Variants in PDE1C observed in about 807,000 individuals in gnomAD.
PDE1C encodes dual specificity calcium/calmodulin-dependent 3',5'-cyclic nucleotide phosphodiesterase 1C.
Under a neutral mutation model 93.1 loss-of-function variants are expected in PDE1C, and 62 were observed. The observed-to-expected ratio is 0.67, with a 90% confidence interval of 0.54 to 0.82. PDE1C has a LOEUF of 0.82. PDE1C is among the 40% of genes least tolerant of loss of function. PDE1C has a pLI of 0.00. For synonymous variants in PDE1C, 325 were observed against 310.1 expected (o/e 1.05, Z -0.50); for missense variants, 742 against 884.6 (o/e 0.84, Z 2.04).
chr7:32,147,450 A>G (rs181256793), intron 3 of PDE1C, among the ~76,000 whole-genome samples: 6 of 152,304 alleles, frequency 3.9e-5, no homozygotes, highest in South Asian at 4.1e-4. Context: ...TGAATTTTTA[A>G]TCACATACAC....
chr7:32,133,955 T>A (rs571100290), intron 3 of PDE1C, among the ~76,000 whole-genome samples: 202 of 151,728 alleles, frequency 1.3e-3, no homozygotes, highest in African/African-American at 4.5e-3. Context: ...ATCTTATAAA[T>A]ATAAAAAGAA....
intron 3 of PDE1C, among the ~76,000 whole-genome samples, chr7:32,086,325 C>T (rs1291634080): frequency 1.3e-5 from 2 of 152,068 alleles, no homozygotes; most frequent in Non-Finnish European, 2.9e-5. Context: ...TCAAGGAGAA[C>T]TACAAACCAC....
At chr7:31,840,583 T>C (rs561944221) in intron 9 of PDE1C, among the ~76,000 whole-genome samples, 2 of 152,336 alleles carry the variant, frequency 1.3e-5, no homozygotes, top group South Asian at 4.1e-4. Context: ...ATTTTAGCTT[T>C]TACGTTTAGG....
chr7:32,301,248 G>A (rs539626764), upstream of PDE1C, among the ~76,000 whole-genome samples: 59 of 151,640 alleles, frequency 3.9e-4, no homozygotes, highest in African/African-American at 1.4e-3. Context: ...TGTCTTTTTT[G>A]TGCCAAAATA....
the PDE1C span, chr7:31,653,634 T>C: frequency 6.6e-6 from 1 of 152,196 alleles, no homozygotes; most frequent in East Asian, 1.9e-4. Flanking sequence ...AAAAAAATCT[T>C]TGTAGCTATC....
the PDE1C span, chr7:31,697,170 A>T: frequency 6.3e-7 from 1 of 1,590,396 alleles, no homozygotes; most frequent in African/African-American, 1.4e-5. Context: ...CAGGTCAAGA[A>T]CCTTACCATC....
chr7:32,303,322 A>G (rs1343183405), upstream of PDE1C, among the ~76,000 whole-genome samples: 1 of 152,232 alleles, frequency 6.6e-6, no homozygotes, highest in African/African-American at 2.4e-5. Context: ...GAAGAAATGA[A>G]GAGAGAAAAG....
chr7:31,940,425 TAGAG>T (rs1198516741), intron 2 of PDE1C, among the ~76,000 whole-genome samples: 1 of 152,160 alleles, frequency 6.6e-6, no homozygotes, highest in Non-Finnish European at 1.5e-5. Flanking sequence ...CTCTGCAAGG[TAGAG>T]TTCATGATTC....
At chr7:32,272,848 G>A (rs1334593190) in intron 1 of PDE1C, among the ~76,000 whole-genome samples, 18 of 152,334 alleles carry the variant, frequency 1.2e-4, no homozygotes, top group Middle Eastern at 3.4e-3. Context: ...AACAAAAGCT[G>A]AGAATTGCAG....
intron 2 of PDE1C, among the ~76,000 whole-genome samples, chr7:31,972,571 C>T (rs925083093): frequency 6.6e-6 from 1 of 152,126 alleles, no homozygotes; most frequent in Non-Finnish European, 1.5e-5. Flanking sequence ...AAGTAATGAG[C>T]TTCTCTAGTT....
At chr7:32,114,829 A>C (rs1798892773) in intron 3 of PDE1C, among the ~76,000 whole-genome samples, 1 of 152,280 alleles carries the variant, frequency 6.6e-6, no homozygotes, top group Non-Finnish European at 1.5e-5. Flanking sequence ...CTTCTCAAAA[A>C]AAAGACATTT....
At chr7:31,924,909 T>C (rs1195580374) in intron 2 of PDE1C, among the ~76,000 whole-genome samples, 2 of 152,246 alleles carry the variant, frequency 1.3e-5, no homozygotes, top group African/African-American at 2.4e-5. Context: ...CAGTCTTTAA[T>C]TCAGGTATCA....
In PDE1C at chr7:32,386,723, G is replaced by A. The variant is rs541682747; in HGVS notation, c.310+41099C>T. Among the ~76,000 whole-genome samples, 69 of 148,166 alleles carry A rather than the reference G, an allele frequency of 4.7e-4. No individual in the cohort carries two copies. The East Asian group carries it at 7.8e-3, about 17-fold the overall frequency. ...CCTCCTGGTCTCAAGTGATCTTCTC[G>A]CCTCAGCCTCCCAAAGCACTGCTGT... On this transcript the variant is annotated intron_variant, in intron 1 of 1. Coordinates refer to the PDE1C transcript ENST00000672256.
intron 15 of PDE1C, among the ~76,000 whole-genome samples, chr7:31,810,010 T>A (rs79823089): frequency 0.05 from 7,598 of 152,184 alleles, 222 homozygotes; most frequent in South Asian, 0.075. Context: ...TTACCTATTG[T>A]CCTTGGCTGC....
At chr7:31,749,491 A>G (rs1178078220), downstream of PDE1C, among the ~76,000 whole-genome samples, 1 of 152,126 alleles carries the variant, frequency 6.6e-6, no homozygotes, top group Non-Finnish European at 1.5e-5. Flanking sequence ...GTGAGCTCAC[A>G]TGTCTTGAAA....
intron 3 of PDE1C, among the ~76,000 whole-genome samples, chr7:32,143,157 T>C (rs1316967863): frequency 2.6e-5 from 4 of 151,608 alleles, no homozygotes; most frequent in South Asian, 2.1e-4. Context: ...TGGGAAGGAA[T>C]GGAAAGATTT....
intron 2 of PDE1C, among the ~76,000 whole-genome samples, chr7:31,942,208 G>A (rs776539965): frequency 2.2e-4 from 33 of 152,242 alleles, no homozygotes; most frequent in Admixed American, 9.8e-4. Context: ...TGGAGGCCTT[G>A]TTTCAAAGCT....
chr7:32,046,845 T>G (rs982968144), intron 2 of PDE1C, among the ~76,000 whole-genome samples: 2 of 152,176 alleles, frequency 1.3e-5, no homozygotes, highest in Non-Finnish European at 2.9e-5. Context: ...TTCATGCTAA[T>G]GAGGTTGTTC....
intron 2 of PDE1C, among the ~76,000 whole-genome samples, chr7:32,172,435 G>GA (rs1233914768): frequency 1.3e-5 from 2 of 151,326 alleles, no homozygotes; most frequent in Non-Finnish European, 3.0e-5. Flanking sequence ...CCAAACATAT[G>GA]AAAAAAAGCT....
Sources: gnomAD v4.1 joint callset for allele counts (sites outside exome capture counted in the v4.1 genomes callset) on GRCh38, gnomAD v4.1.1 for gene constraint, MANE v1.5 for transcripts, NCBI Gene and HGNC (gene_info 2026-07-23, HGNC 2026-07-21) for gene names.